MGP: variants seen among roughly 807,000 people sequenced by gnomAD.
The protein encoded by MGP is cell growth-inhibiting gene 36 protein.
In MGP, 13 loss-of-function variants were observed where a neutral mutation model predicts 14.5. The observed-to-expected ratio is 0.89, with a 90% confidence interval of 0.58 to 1.42. The LOEUF (loss-of-function observed/expected upper bound fraction) is 1.42, where lower values mean the gene tolerates loss of function less well. Among genes scored for constraint, MGP ranks in the 40% most tolerant of loss-of-function variants. The pLI is 0.00. For missense variants in MGP, 128 were observed against 133.7 expected, an observed-to-expected ratio of 0.96 and a Z score of 0.21; for synonymous variants, 44 against 46.3, an observed-to-expected ratio of 0.95 and a Z score of 0.20.
Position 14,882,263 on chromosome 12 carries a change from T to G in MGP, c.188A>C (p.Lys63Thr). The G allele has an allele frequency of 1.2e-6, 2 of 1,613,962 alleles. No individual in the cohort carries two copies. The highest frequency in any genetic ancestry group is 1.7e-6 in the Non-Finnish European group (2 of 1,179,966). ...TTCCCTATTGAGCTCGTGGACAGGCTTAGAGCGTTCTCGGATCCTAGAAAG... is the reference window on the plus strand; with the variant it reads ...TTCCCTATTGAGCTCGTGGACAGGCGTAGAGCGTTCTCGGATCCTAGAAAG... The part of the protein sequence containing the change: ...KVQERIRERS[K>T]PVHELNREAC... Residue 63 changes from lysine to threonine, a missense_variant, in exon 4 of 4, where the codon AAG becomes ACG. Coordinates refer to ENST00000539261, the MANE Select transcript of MGP (RefSeq NM_000900.5).
At chr12:14,884,862 G>A (rs962035341) in intron 1 of MGP, 20 of 1,534,950 alleles carry the variant, frequency 1.3e-5, no homozygotes, top group Middle Eastern at 1.7e-4. Context: ...TATCAAAGCC[G>A]AAGTTTTCTT....
chr12:14,882,887 A>G (rs34361564), intron 3 of MGP, 85 bp downstream of exon 3: 1 of 879,306 alleles, frequency 1.1e-6, no homozygotes, highest in African/African-American at 1.6e-5. Context: ...AATGTATATG[A>G]TGAAAAAGCT....
chr12:14,882,369 T>G, intron 3 of MGP, 89 bp from the exon 4 acceptor site: 6 of 1,404,744 alleles, frequency 4.3e-6, no homozygotes, highest in Non-Finnish European at 6.0e-6. Flanking sequence ...TGGAGAGACT[T>G]TCTCTCCATG....
chr12:14,885,216 T>C (rs1592263770), intron 1 of MGP, among the ~76,000 whole-genome samples: 1 of 152,250 alleles, frequency 6.6e-6, no homozygotes, highest in Non-Finnish European at 1.5e-5. Flanking sequence ...ACAGGAGTTA[T>C]GAAAATGATT....
chr12:14,882,116 A>G lies in MGP; in HGVS notation c.*23T>C, dbSNP rs1863381596. 1 of 1,613,854 alleles carries G rather than the reference A, an allele frequency of 6.2e-7. No homozygotes were observed. Among genetic ancestry groups the G allele is most frequent in the Non-Finnish European group, 8.5e-7 (1 of 1,179,810 alleles). On this transcript the variant is annotated 3_prime_UTR_variant, in exon 4 of 4. Transcript: ENST00000539261. ...CAGGTGCCAGCCTCCAGAAAAAAAG[A>G]GATTTTTTTTCTTCCCTCAGTCTCA...
Position 14,882,224 on chromosome 12 carries a change from T to G in MGP, c.227A>C (p.Tyr76Ser), listed in dbSNP as rs1863385123. The G allele has an allele frequency of 1.2e-6, 2 of 1,614,068 alleles. No homozygotes were observed. The highest frequency in any genetic ancestry group is 1.7e-6 in the Non-Finnish European group (2 of 1,179,966). Reference protein sequence around the residue: ...HELNREACDDYRLCERYAMVY... With the variant: ...HELNREACDDSRLCERYAMVY... ...CATGGCGTAGCGTTCGCAAAGTCTG[T>G]AGTCATCACAGGCTTCCCTATTGAG... The change falls in exon 4 of 4, where the codon TAC becomes TCC. Residue 76 changes from tyrosine (Y) to serine (S), a missense_variant. Transcript: ENST00000539261.
At position 14,882,084 on chromosome 12, in the gene MGP, A is replaced by G. The variant is rs543937624; in HGVS notation, c.*55T>C. ...TTCTGTAATGCTGCTACAGGGGGAT[A>G]CAAAATCAGGTGCCAGCCTCCAGAA... is the stretch of plus-strand genomic sequence containing the variant. On this transcript the variant is annotated 3_prime_UTR_variant, in exon 4 of 4. Coordinates refer to ENST00000539261, the MANE Select transcript of MGP (RefSeq NM_000900.5). 1.2e-6 allele frequency: 2 copies of G among 1,600,228 alleles called. No homozygotes were observed. The highest frequency in any genetic ancestry group is 1.3e-5 in the African/African-American group (1 of 74,518).
rs1863388543 is a variant in MGP at position 14,882,416 on chromosome 12, A to C, written c.171-136T>G. 4 of 1,158,866 alleles carry C rather than the reference A, an allele frequency of 3.5e-6. No homozygotes were observed. The Admixed American group carries it at 7.7e-5, about 22-fold the overall frequency. 71.8% of individuals were successfully genotyped at this position (1,158,866 alleles called of 1,614,324 possible). ...TAAGAGATATTTAAAGAACAGGGAG[A>C]GGCTGGGTGCGGTGGCTCAGGCCTG... On this transcript the variant is annotated intron_variant, in intron 3 of 3. Transcript: ENST00000539261.
Position 14,881,587 on chromosome 12 carries a change from T to A in MGP, c.*552A>T, listed in dbSNP as rs1049897. 56,427 of 153,966 alleles carry A rather than the reference T, an allele frequency of 0.37. 10,819 individuals carry two copies. Among genetic ancestry groups the A allele is most frequent in the Middle Eastern group, 0.4 (119 of 294 alleles). The allele number at this position is 153,966 out of a possible 1,614,324, so 9.5% of individuals were successfully genotyped here. On this transcript the variant is annotated 3_prime_UTR_variant, in exon 4 of 4. Coordinates refer to ENST00000539261, the MANE Select transcript of MGP (RefSeq NM_000900.5). ...TTTTTCTCTTCTAGATTATCTTGAT[T>A]CAGAAATGTTTTTGACTTTGATGCA...
chr12:14,883,826 A>G, intron 2 of MGP: 1 of 168,772 alleles, frequency 5.9e-6, no homozygotes. Context: ...AGAAAAACAC[A>G]AAAAAACCAA....
rs1863370300 is a variant in MGP at position 14,881,380 on chromosome 12, G to A, written c.*759C>T. 1 of 152,036 alleles carries A rather than the reference G, an allele frequency of 6.6e-6. No homozygotes were observed. The highest frequency in any genetic ancestry group is 1.5e-5 in the Non-Finnish European group (1 of 68,024). The allele number at this position is 152,036 out of a possible 1,614,324, so 9.4% of individuals were successfully genotyped here. A position where few individuals can be genotyped will look rare whatever the true frequency, so the allele number is the denominator to read the frequency against. On this transcript the variant is annotated 3_prime_UTR_variant, in exon 4 of 4. Transcript: ENST00000539261. ...AGCAAGAATAGTAAAAATGTAGCGT[G>A]GAACCTTTAACAAATGTAGAAGTAA... is the stretch of plus-strand genomic sequence containing the variant.
chr12:14,885,563 A>G (rs978503208), intron 1 of MGP, among the ~76,000 whole-genome samples, 168 bp downstream of exon 1: 27 of 152,120 alleles, frequency 1.8e-4, no homozygotes, highest in African/African-American at 6.3e-4. Flanking sequence ...AAAAAGACTT[A>G]ATAGAACAGA....
Position 14,881,984 on chromosome 12 carries a change from CT to C in MGP, c.*154del. The C allele has an allele frequency of 1.1e-6, 1 of 900,470 alleles. No homozygotes were observed. The highest frequency in any genetic ancestry group is 1.8e-6 in the Non-Finnish European group (1 of 570,750). The allele number at this position is 900,470 out of a possible 1,614,324, so 55.8% of individuals were successfully genotyped here. On this transcript the variant is annotated 3_prime_UTR_variant, in exon 4 of 4. Coordinates refer to ENST00000539261, the MANE Select transcript of MGP (RefSeq NM_000900.5). ...CAGTGCACTTTCATTACTTATCAAT[CT>C]GGGGGCGGGAAAAAGGGGTGCAGCC... is the stretch of plus-strand genomic sequence containing the variant.
chr12:14,882,857 T>G, intron 3 of MGP, 115 bp downstream of exon 3: 3 of 744,190 alleles, frequency 4.0e-6, no homozygotes, highest in Non-Finnish European at 7.2e-6. Flanking sequence ...TTTTTTGATT[T>G]TAAAGATACA....
rs537438654 is a variant in MGP, at chr12:14,883,247, T to C, written c.95-200A>G. On this transcript the variant is annotated intron_variant, in intron 2 of 3. Coordinates refer to ENST00000539261, the MANE Select transcript of MGP (RefSeq NM_000900.5). The stretch of plus-strand genomic sequence containing the variant: ...AAATGAAATCAGTAATCAATCCATG[T>C]GTCTTAGAGACTTGTCATATAGGCT... 2.7e-5 allele frequency: 15 copies of C among 551,010 alleles called. No individual in the cohort carries two copies. The East Asian group carries it at 4.6e-4, about 17-fold the overall frequency. 34.1% of individuals were successfully genotyped at this position (551,010 alleles called of 1,614,324 possible). A position where few individuals can be genotyped will look rare whatever the true frequency, so the allele number is the denominator to read the frequency against.
chr12:14,884,673 T>C (rs1863419371), intron 1 of MGP: 1 of 609,088 alleles, frequency 1.6e-6, no homozygotes, highest in Admixed American at 3.2e-5. Context: ...GACAGCCAGG[T>C]TTCTCCAGGC....
In MGP at chr12:14,881,712, G is replaced by A. The variant is rs902720669; in HGVS notation, c.*427C>T. 2.3e-5 allele frequency: 4 copies of A among 176,650 alleles called. No individual in the cohort carries two copies. The highest frequency in any genetic ancestry group is 2.2e-4 in the Admixed American group (4 of 18,164). 10.9% of individuals were successfully genotyped at this position (176,650 alleles called of 1,614,324 possible). A position where few individuals can be genotyped will look rare whatever the true frequency, so the allele number is the denominator to read the frequency against. The stretch of plus-strand genomic sequence containing the variant: ...ACCAGATTCCATTCACGGATTCCAA[G>A]GTAGAGAGGGTTTAGAGAATTTATG... On this transcript the variant is annotated 3_prime_UTR_variant, in exon 4 of 4. Coordinates refer to ENST00000539261, the MANE Select transcript of MGP (RefSeq NM_000900.5).
At chr12:14,884,970 GA>G in intron 1 of MGP, 1 of 1,268,396 alleles carries the variant, frequency 7.9e-7, no homozygotes, top group Admixed American at 2.1e-5. Flanking sequence ...ACTTAAAAAG[GA>G]GGTGAAGAAA....
chr12:14,882,294 G>C lies in MGP; in HGVS notation c.171-14C>G. 6.2e-7 allele frequency: 1 copy of C among 1,613,990 alleles called. No homozygotes were observed. The highest frequency in any genetic ancestry group is 8.5e-7 in the Non-Finnish European group (1 of 1,179,930). On this transcript the variant is annotated splice_polypyrimidine_tract_variant and intron_variant, in intron 3 of 3. Transcript: ENST00000539261. The stretch of plus-strand genomic sequence containing the variant: ...CGTTCTCGGATCCTAGAAAGTGGAA[G>C]AAGAGGCCAAAATTGAGAAGGATAA...
Sources: gnomAD v4.1 joint callset for allele counts (sites outside exome capture counted in the v4.1 genomes callset) on GRCh38, gnomAD v4.1.1 for gene constraint, MANE v1.5 for transcripts, NCBI Gene and HGNC (gene_info 2026-07-23, HGNC 2026-07-21) for gene names.